PIEZO1: variants seen among roughly 807,000 people sequenced by gnomAD.
PIEZO1 encodes the protein piezo type mechanosensitive ion channel component 1 (Er blood group).
In PIEZO1, 296 loss-of-function variants were observed where a neutral mutation model predicts 297.2. That is an observed-to-expected ratio of 1.00 (90% CI 0.91 to 1.10). The LOEUF (loss-of-function observed/expected upper bound fraction) is 1.10, where lower values mean the gene tolerates loss of function less well. PIEZO1 is among the 50% of genes least tolerant of loss of function. The probability of loss-of-function intolerance (pLI) is 0.00; values close to 1 mark genes in which losing one functional copy is unlikely to be tolerated. For missense variants in PIEZO1, 5,018 were observed against 3,455.5 expected, an observed-to-expected ratio of 1.45 and a Z score of -11.34; for synonymous variants, 2,427 against 1,507.5, an observed-to-expected ratio of 1.61 and a Z score of -14.13.
intron 2 of PIEZO1, among the ~76,000 whole-genome samples, chr16:88,744,862 A>G (rs1905938609): frequency 6.6e-6 from 1 of 152,010 alleles, no homozygotes; most frequent in South Asian, 2.1e-4. Flanking sequence ...CACCCCGGGA[A>G]GAGACGCTGC....
At chr16:88,716,171 TC>T in intron 49 of PIEZO1, 26 bp downstream of exon 49, 1 of 1,514,990 alleles carries the variant, frequency 6.6e-7, no homozygotes, top group Non-Finnish European at 8.9e-7. Context: ...CTCTCTAGCC[TC>T]CCCCAACCCC....
At chr16:88,749,553 C>A in intron 1 of PIEZO1, 74 bp from the exon 2 acceptor site, 1 of 1,121,214 alleles carries the variant, frequency 8.9e-7, no homozygotes, top group Admixed American at 2.5e-5. Flanking sequence ...AGCGCACCCA[C>A]GGCCCAGCTC....
Position 88,773,031 on chromosome 16 carries a change from G to C in PIEZO1, c.64+11870C>G, listed in dbSNP as rs938199393. ...CAGCCTCTGGAATGTGAGGCGGCCT[G>C]TCTGTCCACCCAGAAGCTTCTGGCA... On this transcript the variant is annotated intron_variant, in intron 1 of 50. Transcript: ENST00000301015. Among the ~76,000 whole-genome samples, 8 of 152,364 alleles carry C rather than the reference G, an allele frequency of 5.3e-5. No homozygotes were observed. In the East Asian group the frequency reaches 9.6e-4, roughly 18 times the overall value.
At position 88,737,945 on chromosome 16, in the gene PIEZO1, G is replaced by T. The variant is rs556220156; in HGVS notation, c.1009C>A (p.Pro337Thr). The T allele has an allele frequency of 8.5e-6, 13 of 1,530,456 alleles. No individual in the cohort carries two copies. The highest frequency in any genetic ancestry group is 1.7e-4 in the Middle Eastern group (1 of 5,974). The allele number at this position is 1,530,456 out of a possible 1,614,324, so 94.8% of individuals were successfully genotyped here. A position where few individuals can be genotyped will look rare whatever the true frequency, so the allele number is the denominator to read the frequency against. ...ASLRKLRAYR[P>T]SGQRKEAAKG... ...TGGCAGGTGCTCACCTGGCCGGAGG[G>T]GCGGTACGCGCGGAGCTTGCGCAGA... The change falls in exon 8 of 51, where the codon CCC becomes ACC. Residue 337 changes from proline to threonine, a missense_variant. Transcript: ENST00000301015.
rs763280822 is a variant in PIEZO1, at chr16:88,717,076, C to T, written c.6607G>A (p.Val2203Ile). ...GTGACATCGATGGGCTGGTTGACAACCCCAACCACGGAGCGCACCAGCGAC... is the reference window on the plus strand; with the variant it reads ...GTGACATCGATGGGCTGGTTGACAATCCCAACCACGGAGCGCACCAGCGAC... ...FMSLVRSVVGVVNQPIDVTVT... is the reference protein window; with the variant it reads ...FMSLVRSVVGIVNQPIDVTVT... Residue 2203 changes from valine (V) to isoleucine (I), a missense_variant, in exon 45 of 51, where the codon GTT becomes ATT. Val to Ile is a conservative substitution (Grantham distance 29). Coordinates refer to ENST00000301015, the MANE Select transcript of PIEZO1 (RefSeq NM_001142864.4). 6.4e-6 allele frequency: 10 copies of T among 1,551,016 alleles called. No homozygotes were observed. The highest frequency in any genetic ancestry group is 8.7e-6 in the Non-Finnish European group (10 of 1,147,040).
At chr16:88,720,918 T>A (rs992633844) in intron 39 of PIEZO1, among the ~76,000 whole-genome samples, 170 bp from the exon 40 acceptor site, 46 of 152,140 alleles carry the variant, frequency 3.0e-4, no homozygotes, top group African/African-American at 1.1e-3. Context: ...GTGTCCTCTG[T>A]CTGGGGCAAC....
chr16:88,784,736 C>T (rs1009625651), intron 1 of PIEZO1, among the ~76,000 whole-genome samples, 165 bp downstream of exon 1: 4 of 151,696 alleles, frequency 2.6e-5, no homozygotes, highest in African/African-American at 9.7e-5. Flanking sequence ...CCGCCTGGCG[C>T]GCTCATGCTT....
At chr16:88,723,385 G>T (rs1218170494) in intron 31 of PIEZO1, 57 bp from the exon 32 acceptor site, 9 of 1,528,880 alleles carry the variant, frequency 5.9e-6, no homozygotes, top group Non-Finnish European at 6.1e-6. Flanking sequence ...ACCCAGGCGG[G>T]AAGCTGGGGT....
At position 88,731,818 on chromosome 16, in the gene PIEZO1, G is replaced by C; in HGVS notation, c.3084C>G (p.Arg1028=). The change falls in exon 22 of 51, where the codon CGC becomes CGG. Residue 1028 remains arginine (R), a synonymous_variant. Transcript: ENST00000301015. The part of the protein sequence containing the change: ...HGCWLVAILT[R]RHRQAIARLW... ...GGCGGGCAATGGCCTGGCGGTGCCTGCGGGTGAGGATGGCCACCAGCCAGC... is the reference window on the plus strand; with the variant it reads ...GGCGGGCAATGGCCTGGCGGTGCCTCCGGGTGAGGATGGCCACCAGCCAGC... The C allele has an allele frequency of 6.5e-7, 1 of 1,534,080 alleles. No homozygotes were observed. Among genetic ancestry groups the C allele is most frequent in the Non-Finnish European group, 8.8e-7 (1 of 1,138,670 alleles).
chr16:88,747,046 A>AC (rs1375500466), intron 2 of PIEZO1, among the ~76,000 whole-genome samples: 1 of 152,090 alleles, frequency 6.6e-6, no homozygotes, highest in Non-Finnish European at 1.5e-5. Context: ...GCCTCTCTGC[A>AC]CCCCTGAATT....
chr16:88,736,138 G>T lies in PIEZO1; in HGVS notation c.1557+10C>A. 6.5e-7 allele frequency: 1 copy of T among 1,538,062 alleles called. No individual in the cohort carries two copies. ...CCCAGGCACCCCCGGATGTGGTGGT[G>T]CACACTCACCATGGCACCAAGGTCC... is the stretch of plus-strand genomic sequence containing the variant. On this transcript the variant is annotated intron_variant, in intron 12 of 50. Transcript: ENST00000301015.
chr16:88,746,804 T>C (rs1906082478), intron 2 of PIEZO1, among the ~76,000 whole-genome samples: 1 of 152,158 alleles, frequency 6.6e-6, no homozygotes. Flanking sequence ...CCACTGCTGA[T>C]TAAAGGAAAG....
chr16:88,747,701 A>T (rs1906137379), intron 2 of PIEZO1, among the ~76,000 whole-genome samples: 1 of 152,242 alleles, frequency 6.6e-6, no homozygotes, highest in African/African-American at 2.4e-5. Flanking sequence ...AGAAGCTCAC[A>T]TGCAGAGGCG....
In PIEZO1 at chr16:88,727,720, G is replaced by A. The variant is rs896387307; in HGVS notation, c.3197-59C>T. ...GGCCTGCCTGGGGCCTGAGACACCC[G>A]GTCCCCACCCGTTGACCCGAGTCTA... On this transcript the variant is annotated intron_variant, in intron 22 of 50. Coordinates refer to ENST00000301015, the MANE Select transcript of PIEZO1 (RefSeq NM_001142864.4). The A allele has an allele frequency of 2.0e-5, 16 of 815,000 alleles. No individual in the cohort carries two copies. The East Asian group carries it at 3.0e-4, about 15-fold the overall frequency. 50.5% of individuals were successfully genotyped at this position (815,000 alleles called of 1,614,324 possible).
At chr16:88,780,141 G>A (rs905141819) in intron 1 of PIEZO1, among the ~76,000 whole-genome samples, 7 of 152,180 alleles carry the variant, frequency 4.6e-5, no homozygotes, top group African/African-American at 1.2e-4. Flanking sequence ...TCCTCCCAGT[G>A]ACCCTGGACC....
At chr16:88,725,221 G>A (rs960603427) in intron 29 of PIEZO1, 141 bp from the exon 30 acceptor site, 2 of 710,936 alleles carry the variant, frequency 2.8e-6, no homozygotes, top group Admixed American at 3.3e-5. Context: ...GGGGCCATGG[G>A]GCTCAGAGCC....
At position 88,785,082 on chromosome 16, in the gene PIEZO1, C is replaced by T. The variant is rs1908122420; in HGVS notation, c.-118G>A. Reference sequence around the variant, plus strand: ...CCCGCGGGGACCCGCGCGCCGCCTTCTCCTCTTCCTCCTTCTCCTTCGGCC... The same window carrying T: ...CCCGCGGGGACCCGCGCGCCGCCTTTTCCTCTTCCTCCTTCTCCTTCGGCC... On this transcript the variant is annotated 5_prime_UTR_variant, in exon 1 of 51. Coordinates refer to ENST00000301015, the MANE Select transcript of PIEZO1 (RefSeq NM_001142864.4). The T allele has an allele frequency of 5.8e-6, 3 of 513,950 alleles. No homozygotes were observed. The South Asian group carries it at 2.8e-4, about 48-fold the overall frequency. 31.8% of individuals were successfully genotyped at this position (513,950 alleles called of 1,614,324 possible).
Position 88,723,111 on chromosome 16 carries a change from G to C in PIEZO1, c.4479C>G (p.Pro1493=), listed in dbSNP as rs1030766575. 15 of 1,548,432 alleles carry C rather than the reference G, an allele frequency of 9.7e-6. No individual in the cohort carries two copies. The highest frequency in any genetic ancestry group is 6.8e-5 in the African/African-American group (5 of 73,126). Reference sequence around the variant, plus strand: ...CCCACGTACCTGCCGCTGCCTCCTCGGGGCCCTCTGCTGGCTCCACCTCCT... The same window carrying C: ...CCCACGTACCTGCCGCTGCCTCCTCCGGGCCCTCTGCTGGCTCCACCTCCT... ...PSQEVEPAEG[P]EEAAAGRSHV... is the part of the protein sequence containing the mutation. Residue 1493 remains proline, a synonymous_variant, in exon 33 of 51, where the codon CCC becomes CCG. Coordinates refer to ENST00000301015, the MANE Select transcript of PIEZO1 (RefSeq NM_001142864.4).
Position 88,719,970 on chromosome 16 carries a change from G to C in PIEZO1, c.6165-10C>G. ...ATTCTGGTTGAACATCCTGGGGCGG[G>C]ATGGCCAGGTCAAGGACCCCATCAG... is the stretch of plus-strand genomic sequence containing the variant. On this transcript the variant is annotated splice_polypyrimidine_tract_variant and intron_variant, in intron 42 of 50. Coordinates refer to ENST00000301015, the MANE Select transcript of PIEZO1 (RefSeq NM_001142864.4). 1 of 1,550,114 alleles carries C rather than the reference G, an allele frequency of 6.5e-7. No homozygotes were observed. The highest frequency in any genetic ancestry group is 8.7e-7 in the Non-Finnish European group (1 of 1,146,846).
Sources: allele counts gnomAD v4.1 joint callset (sites outside exome capture counted in the v4.1 genomes callset), GRCh38; gene constraint gnomAD v4.1.1; transcripts MANE v1.5; gene names NCBI Gene and HGNC (gene_info 2026-07-23, HGNC 2026-07-21).